The following PCDHGA8 variants were observed in gnomAD, a reference collection of about 807,000 sequenced individuals.
The protein encoded by PCDHGA8 is protocadherin gamma subfamily A, 8.
PCDHGA8 carries 45 observed loss-of-function variants against 59.2 expected under a neutral mutation model. The ratio of observed to expected loss-of-function variants is 0.76; its 90% CI spans 0.60 to 0.98. The LOEUF is 0.98. PCDHGA8 is among the 50% of genes least tolerant of loss of function. The probability of loss-of-function intolerance (pLI) is 0.00; values close to 1 mark genes in which losing one functional copy is unlikely to be tolerated. For missense variants in PCDHGA8, 1,257 were observed against 1,196.2 expected (o/e 1.05, Z -0.75); for synonymous variants, 531 against 519.0 (o/e 1.02, Z -0.32).
chr5:141,408,509 G>T, intron 1 of PCDHGA8: 1 of 1,614,048 alleles, frequency 6.2e-7, no homozygotes, highest in Non-Finnish European at 8.5e-7. Flanking sequence ...AAGAAGATGT[G>T]AGTTGCAATT....
At position 141,487,128 on chromosome 5, in the gene PCDHGA8, G is replaced by A; in HGVS notation, c.2425-7679G>A. The A allele has an allele frequency of 6.2e-7, 1 of 1,614,086 alleles. No individual in the cohort carries two copies. ...GTCATTGTGGTAAAGGATAGTGGTA[G>A]TCCACCACTCTCTACCTCTGTTACT... is the stretch of plus-strand genomic sequence containing the variant. On this transcript the variant is annotated intron_variant, in intron 1 of 3. Transcript: ENST00000398604. This position sits in a 1 kb window ranked among gnomAD's most constrained non-coding sequence, Gnocchi z 5.0.
intron 1 of PCDHGA8, chr5:141,416,827 T>A (rs981344540): frequency 1.2e-4 from 18 of 152,268 alleles, no homozygotes; most frequent in African/African-American, 3.9e-4. Context: ...CCGAAGTTTC[T>A]CAAGACCCTT....
At chr5:141,474,419 A>AT (rs1348108901) in intron 1 of PCDHGA8, among the ~76,000 whole-genome samples, 1 of 152,204 alleles carries the variant, frequency 6.6e-6, no homozygotes, top group Non-Finnish European at 1.5e-5. Context: ...TGCCTAGACC[A>AT]TTGGTCCTCA....
In PCDHGA8 at chr5:141,486,531, C is replaced by T; in HGVS notation, c.2425-8276C>T. The T allele has an allele frequency of 6.2e-7, 1 of 1,614,062 alleles. No homozygotes were observed. Among genetic ancestry groups the T allele is most frequent in the Non-Finnish European group, 8.5e-7 (1 of 1,180,020 alleles). Reference sequence around the variant, plus strand: ...ATTTCAGATGTGAATGATAATCCACCCTCTTTCTTTCAGAGGTCACATGAG... The same window carrying T: ...ATTTCAGATGTGAATGATAATCCACTCTCTTTCTTTCAGAGGTCACATGAG... On this transcript the variant is annotated intron_variant, in intron 1 of 3. Transcript: ENST00000398604. This position sits in a 1 kb window ranked among gnomAD's most constrained non-coding sequence, Gnocchi z 5.0.
chr5:141,392,661 A>T lies in PCDHGA8; in HGVS notation c.-153A>T. ...CCTCACGAAGACCCGCAGATGCCAC[A>T]AACTAACTGCTGGACTGCAGCGAAA... On this transcript the variant is annotated 5_prime_UTR_variant, in exon 1 of 4. Transcript: ENST00000398604. 1.2e-6 allele frequency: 1 copy of T among 803,300 alleles called. No homozygotes were observed. Among genetic ancestry groups the T allele is most frequent in the Non-Finnish European group, 1.9e-6 (1 of 536,558 alleles). 49.8% of individuals were successfully genotyped at this position (803,300 alleles called of 1,614,324 possible).
At chr5:141,422,745 C>G (rs1380262961) in intron 1 of PCDHGA8, 15 of 1,610,564 alleles carry the variant, frequency 9.3e-6, no homozygotes, top group Non-Finnish European at 1.3e-5. Flanking sequence ...CCTCCTATGT[C>G]TCTATTAACT....
At position 141,394,208 on chromosome 5, in the gene PCDHGA8, C is replaced by T. The variant is rs972602841; in HGVS notation, c.1395C>T (p.Asn465=). The T allele has an allele frequency of 1.2e-6, 2 of 1,613,814 alleles. No individual in the cohort carries two copies. The highest frequency in any genetic ancestry group is 1.3e-5 in the African/African-American group (1 of 74,926). ...ACTCAGCGTATATCCTAGAGAACAA[C>T]CTGAGAGGAGCCTCCATCTTTTCCT... ...ASYSAYILEN[N]LRGASIFSLT... The change falls in exon 1 of 4, where the codon AAC becomes AAT. Residue 465 remains asparagine, a synonymous_variant. Coordinates refer to ENST00000398604, the MANE Select transcript of PCDHGA8 (RefSeq NM_032088.2).
chr5:141,455,632 TG>T (rs1394377963), intron 1 of PCDHGA8, among the ~76,000 whole-genome samples: 1 of 151,924 alleles, frequency 6.6e-6, no homozygotes, highest in African/African-American at 2.4e-5. Flanking sequence ...TGGAGATATG[TG>T]GGGGGCAGCC....
chr5:141,488,193 T>C (rs1211647195), intron 1 of PCDHGA8, among the ~76,000 whole-genome samples: 1 of 152,122 alleles, frequency 6.6e-6, no homozygotes, highest in Non-Finnish European at 1.5e-5. Flanking sequence ...TTGGTCTGGG[T>C]CTTAGGACTC....
At chr5:141,399,944 A>G (rs769384438) in intron 1 of PCDHGA8, 2 of 1,612,254 alleles carry the variant, frequency 1.2e-6, no homozygotes, top group South Asian at 2.2e-5. Context: ...CACGTGCTGC[A>G]GGCTAGCGAG....
At chr5:141,419,939 G>GTGGCCT (rs780963377) in intron 1 of PCDHGA8, 3 of 1,614,054 alleles carry the variant, frequency 1.9e-6, no homozygotes, top group Admixed American at 1.7e-5. Flanking sequence ...TTACCTGGTG[G>GTGGCCT]TGGCCTTGGC....
rs1281778338 is a variant in PCDHGA8, at chr5:141,512,281, G to A, written c.*1108G>A. ...TGGGTACTCCAGAGGTGCCACTGGTGGAAGGGTCAGCGGAGCCCCAGCAGG... is the reference window on the plus strand; with the variant it reads ...TGGGTACTCCAGAGGTGCCACTGGTAGAAGGGTCAGCGGAGCCCCAGCAGG... On this transcript the variant is annotated 3_prime_UTR_variant, in exon 4 of 4. Transcript: ENST00000398604. 6.5e-6 allele frequency: 1 copy of A among 152,810 alleles called. No homozygotes were observed. Among genetic ancestry groups the A allele is most frequent in the Non-Finnish European group, 1.5e-5 (1 of 68,178 alleles). The allele number at this position is 152,810 out of a possible 1,614,324, so 9.5% of individuals were successfully genotyped here.
At chr5:141,418,463 C>G in intron 1 of PCDHGA8, 1 of 1,613,944 alleles carries the variant, frequency 6.2e-7, no homozygotes, top group South Asian at 1.1e-5. Context: ...GACTCTGGAC[C>G]GAGAAACGCA....
intron 3 of PCDHGA8, among the ~76,000 whole-genome samples, chr5:141,509,539 A>G (rs749824780): frequency 1.3e-5 from 2 of 152,160 alleles, no homozygotes; most frequent in East Asian, 1.9e-4. Context: ...ATGAAGCACC[A>G]TCTCATTTAG....
At position 141,512,765 on chromosome 5, in the gene PCDHGA8, G is replaced by C. The variant is rs988707269; in HGVS notation, c.*1592G>C. 1 of 152,668 alleles carries C rather than the reference G, an allele frequency of 6.6e-6. No individual in the cohort carries two copies. The highest frequency in any genetic ancestry group is 1.5e-5 in the Non-Finnish European group (1 of 68,460). The allele number at this position is 152,668 out of a possible 1,614,324, so 9.5% of individuals were successfully genotyped here. On this transcript the variant is annotated 3_prime_UTR_variant, in exon 4 of 4. Transcript: ENST00000398604. ...CCGCGCAGCCGTCTGTCCTTGATCT[G>C]CCCGCGGCGGCCCGTGTTGTGTTTT...
At chr5:141,402,801 G>C (rs1218765657) in intron 1 of PCDHGA8, 6 of 1,078,624 alleles carry the variant, frequency 5.6e-6, no homozygotes, top group Middle Eastern at 3.2e-4. Flanking sequence ...CACAAAACCC[G>C]GCAGATACCA....
At chr5:141,445,178 A>G (rs768321514) in intron 1 of PCDHGA8, among the ~76,000 whole-genome samples, 2 of 152,218 alleles carry the variant, frequency 1.3e-5, no homozygotes, top group Admixed American at 1.3e-4. Context: ...ATGAAAAACT[A>G]TGTTTTTATG....
In PCDHGA8 at chr5:141,490,004, CA is replaced by C; in HGVS notation, c.2425-4802del. 1 of 1,614,174 alleles carries C rather than the reference CA, an allele frequency of 6.2e-7. No individual in the cohort carries two copies. Among genetic ancestry groups the C allele is most frequent in the Admixed American group, 1.7e-5 (1 of 60,034 alleles). ...CTACGTGTGGGAATCCCAGAGAATG[CA>C]CCCATTGGTACTCTGCTGCTCCGCC... On this transcript the variant is annotated intron_variant, in intron 1 of 3. Transcript: ENST00000398604. This position sits in a 1 kb window ranked among gnomAD's most constrained non-coding sequence, Gnocchi z 5.4.
chr5:141,492,602 C>G (rs1352851783), intron 1 of PCDHGA8, among the ~76,000 whole-genome samples: 2 of 152,222 alleles, frequency 1.3e-5, no homozygotes, highest in Non-Finnish European at 2.9e-5. Flanking sequence ...GAGCGACTGC[C>G]GCTCTAAGTG....
Sources: allele counts gnomAD v4.1 joint callset (sites outside exome capture counted in the v4.1 genomes callset), GRCh38; gene constraint gnomAD v4.1.1; non-coding constraint Gnocchi (gnomAD v3.1); transcripts MANE v1.5; gene names NCBI Gene and HGNC (gene_info 2026-07-23, HGNC 2026-07-21).